Variants in NRXN3 observed in about 807,000 individuals in gnomAD.
NRXN3 encodes the protein neurexin 3.
Under a neutral mutation model 137.6 loss-of-function variants are expected in NRXN3, and 32 were observed. The observed-to-expected ratio is 0.23, with a 90% confidence interval of 0.18 to 0.31. The LOEUF (loss-of-function observed/expected upper bound fraction) is 0.31, where lower values mean the gene tolerates loss of function less well. NRXN3 is among the 10% of genes least tolerant of loss of function. The probability of loss-of-function intolerance (pLI) is 1.00; values close to 1 mark genes in which losing one functional copy is unlikely to be tolerated. For missense variants in NRXN3, 1,574 were observed against 2,062.5 expected (o/e 0.76, Z 4.59); for synonymous variants, 798 against 784.5 (o/e 1.02, Z -0.29).
At chr14:78,808,236 T>C (rs2098889212) in intron 9 of NRXN3, among the ~76,000 whole-genome samples, 1 of 152,172 alleles carries the variant, frequency 6.6e-6, no homozygotes, top group Non-Finnish European at 1.5e-5. Flanking sequence ...AGCTCTTACA[T>C]TGGTTTAAAG....
chr14:79,707,666 T>C (rs2154044829), intron 19 of NRXN3, among the ~76,000 whole-genome samples: 1 of 152,328 alleles, frequency 6.6e-6, no homozygotes, highest in Middle Eastern at 3.4e-3. Flanking sequence ...CTATATTTTC[T>C]TTTTTATTCT....
intron 15 of NRXN3, among the ~76,000 whole-genome samples, chr14:79,310,214 C>G (rs2086970101): frequency 1.0e-5 from 1 of 98,970 alleles, no homozygotes; most frequent in East Asian, 3.2e-4. Flanking sequence ...GCTTGTTTTT[C>G]TCAGGTTTGT....
chr14:79,242,803 A>T (rs1355396710), intron 15 of NRXN3, among the ~76,000 whole-genome samples: 1 of 152,168 alleles, frequency 6.6e-6, no homozygotes, highest in Non-Finnish European at 1.5e-5. Flanking sequence ...TGCCTGGAAG[A>T]TTCTTAAGAA....
intron 8 of NRXN3, among the ~76,000 whole-genome samples, chr14:78,750,801 G>C (rs1241579581): frequency 6.6e-6 from 1 of 152,134 alleles, no homozygotes; most frequent in Non-Finnish European, 1.5e-5. Context: ...GAAGACTCAG[G>C]CTTCCTAGGC....
chr14:79,511,343 T>A (rs2096930553), intron 16 of NRXN3, among the ~76,000 whole-genome samples: 1 of 152,192 alleles, frequency 6.6e-6, no homozygotes, highest in African/African-American at 2.4e-5. Context: ...CATGTCAGGA[T>A]CTGAGAGAGC....
chr14:79,862,480 AAAAC>A lies in NRXN3; in HGVS notation c.*524_*527del, dbSNP rs988372714. 9 of 151,242 alleles carry A rather than the reference AAAAC, an allele frequency of 6.0e-5. No homozygotes were observed. Among genetic ancestry groups the A allele is most frequent in the East Asian group, 5.8e-4 (3 of 5,194 alleles). The allele number at this position is 151,242 out of a possible 1,614,324, so 9.4% of individuals were successfully genotyped here. On this transcript the variant is annotated 3_prime_UTR_variant, in exon 21 of 21. Coordinates refer to ENST00000335750, the MANE Select transcript of NRXN3 (RefSeq NM_001330195.2). ...AAAAAGAAAAAAACACCAAAAAACA[AAAAC>A]AAACAAAAAAAAAAACCCACAACCC...
chr14:78,562,312 G>A (rs1340393087), intron 4 of NRXN3, among the ~76,000 whole-genome samples: 6 of 148,710 alleles, frequency 4.0e-5, no homozygotes, highest in African/African-American at 1.3e-4. Context: ...CAGAGGAATC[G>A]CTTGAACCCA....
intron 15 of NRXN3, among the ~76,000 whole-genome samples, chr14:79,205,313 A>G (rs1044654646): frequency 6.6e-6 from 1 of 152,192 alleles, no homozygotes; most frequent in Non-Finnish European, 1.5e-5. Context: ...TCTAATTAAC[A>G]TTGGTGTTTT....
At chr14:79,280,259 A>G (rs1483541337) in intron 15 of NRXN3, 1 of 1,611,940 alleles carries the variant, frequency 6.2e-7, no homozygotes, top group Admixed American at 1.7e-5. Context: ...TGGAATTCAA[A>G]CTGCCCATCT....
At chr14:78,967,745 T>G (rs2099423265) in intron 13 of NRXN3, among the ~76,000 whole-genome samples, 1 of 152,184 alleles carries the variant, frequency 6.6e-6, no homozygotes. Context: ...ATCAGTAAAC[T>G]GTCTTAGCCT....
chr14:79,867,267 G>A lies in NRXN3; in HGVS notation c.*5303G>A, dbSNP rs2099418429. On this transcript the variant is annotated 3_prime_UTR_variant, in exon 21 of 21. Coordinates refer to ENST00000335750, the MANE Select transcript of NRXN3 (RefSeq NM_001330195.2). ...AGCATTTGAAGTGGAAGCTAAGGCA[G>A]GAAATGAGAGGATATTGTGTTAGTC... The A allele has an allele frequency of 6.6e-6, 1 of 152,160 alleles. No homozygotes were observed. The highest frequency in any genetic ancestry group is 2.4e-5 in the African/African-American group (1 of 41,446). The allele number at this position is 152,160 out of a possible 1,614,324, so 9.4% of individuals were successfully genotyped here.
At chr14:78,451,456 G>A (rs534462622) in intron 4 of NRXN3, among the ~76,000 whole-genome samples, 7 of 152,192 alleles carry the variant, frequency 4.6e-5, no homozygotes, top group Non-Finnish European at 8.8e-5. Context: ...TCCATTCTGT[G>A]CCCTGCCTTG....
intron 11 of NRXN3, among the ~76,000 whole-genome samples, chr14:78,957,679 C>A (rs576332414): frequency 6.6e-6 from 1 of 152,222 alleles, no homozygotes; most frequent in East Asian, 1.9e-4. Context: ...ATTCAAAAAT[C>A]ACATGTCAAT....
intron 8 of NRXN3, among the ~76,000 whole-genome samples, chr14:78,739,686 G>A (rs1377955421): frequency 1.3e-5 from 2 of 152,124 alleles, no homozygotes; most frequent in South Asian, 4.1e-4. Flanking sequence ...TGGCCAGGCT[G>A]CTCTCGAACC....
chr14:79,329,734 T>C (rs1179495584), intron 15 of NRXN3, among the ~76,000 whole-genome samples: 3 of 152,206 alleles, frequency 2.0e-5, no homozygotes, highest in African/African-American at 7.2e-5. Context: ...AGTCAGGGAA[T>C]TTCAGAAGAA....
chr14:78,630,597 C>CTTTCT (rs1555407370), intron 4 of NRXN3, among the ~76,000 whole-genome samples: 10 of 127,808 alleles, frequency 7.8e-5, no homozygotes, highest in South Asian at 7.1e-4. Context: ...TTCTTTCTTT[C>CTTTCT]TTTTTTTTTT....
At chr14:78,676,276 G>C (rs933465395) in intron 6 of NRXN3, among the ~76,000 whole-genome samples, 1 of 152,164 alleles carries the variant, frequency 6.6e-6, no homozygotes, top group African/African-American at 2.4e-5. Context: ...AGGCCTAGCT[G>C]TAAAGGCCTA....
rs573951093 is a variant in NRXN3 at position 79,788,429 on chromosome 14, A to T, written c.4015-16683A>T. On this transcript the variant is annotated intron_variant, in intron 19 of 20. Coordinates refer to ENST00000335750, the MANE Select transcript of NRXN3 (RefSeq NM_001330195.2). Reference sequence around the variant, plus strand: ...CTAGGCTCTGGTCCAGGAGTATAGTAACCCTACGGGTGATTTCAGACCAAT... The same window carrying T: ...CTAGGCTCTGGTCCAGGAGTATAGTTACCCTACGGGTGATTTCAGACCAAT... 1.1e-4 allele frequency among the ~76,000 whole-genome samples: 17 copies of T among 152,344 alleles called. No homozygotes were observed. In the South Asian group the frequency reaches 2.5e-3, roughly 22 times the overall value.
At chr14:78,295,121 G>T (rs1003555982) in intron 3 of NRXN3, among the ~76,000 whole-genome samples, 1 of 152,212 alleles carries the variant, frequency 6.6e-6, no homozygotes, top group Non-Finnish European at 1.5e-5. Flanking sequence ...CTGAGGACAG[G>T]TTTGTGCAAG....
Sources: allele counts gnomAD v4.1 joint callset (sites outside exome capture counted in the v4.1 genomes callset), GRCh38; gene constraint gnomAD v4.1.1; transcripts MANE v1.5; gene names NCBI Gene and HGNC (gene_info 2026-07-23, HGNC 2026-07-21).